PTPRM: variants seen among roughly 807,000 people sequenced by gnomAD.
The protein encoded by PTPRM is receptor-type tyrosine-protein phosphatase mu.
A neutral mutation model predicts 186.7 loss-of-function variants in PTPRM; 47 were observed. The ratio of observed to expected loss-of-function variants is 0.25; its 90% CI spans 0.20 to 0.32. The LOEUF (loss-of-function observed/expected upper bound fraction) is 0.32, where lower values mean the gene tolerates loss of function less well. PTPRM is among the 10% of genes least tolerant of loss of function. The pLI, the probability that PTPRM is intolerant of heterozygous loss-of-function variation, is 1.00. For synonymous variants in PTPRM, 668 were observed against 674.9 expected (o/e 0.99, Z 0.16); for missense variants, 1,494 against 1,865.0 (o/e 0.80, Z 3.66).
Position 7,704,224 on chromosome 18 carries a change from T to G in PTPRM, c.74-69925T>G, listed in dbSNP as rs184386705. Among the ~76,000 whole-genome samples the G allele has an allele frequency of 2.1e-4, 32 of 152,328 alleles. No homozygotes were observed. The East Asian group carries it at 2.3e-3, about 11-fold the overall frequency. On this transcript the variant is annotated intron_variant, in intron 1 of 32. Transcript: ENST00000580170. Reference sequence around the variant, plus strand: ...GGAGGATTTCCTCTTTTTCTTTTATTTGGAATAGTTCCAGAAGGAATGGTA... The same window carrying G: ...GGAGGATTTCCTCTTTTTCTTTTATGTGGAATAGTTCCAGAAGGAATGGTA...
intron 19 of PTPRM, among the ~76,000 whole-genome samples, chr18:8,276,105 G>A (rs748595567): frequency 2.0e-5 from 3 of 151,952 alleles, no homozygotes; most frequent in Admixed American, 6.6e-5. Flanking sequence ...CCTTTAGGTT[G>A]GTTCCACTAG....
At chr18:7,852,119 A>G (rs2046889411) in intron 2 of PTPRM, among the ~76,000 whole-genome samples, 1 of 152,218 alleles carries the variant, frequency 6.6e-6, no homozygotes, top group Non-Finnish European at 1.5e-5. Flanking sequence ...TAAACAAAGA[A>G]CACAGCTCAA....
At chr18:8,351,437 T>G (rs938572481) in intron 23 of PTPRM, among the ~76,000 whole-genome samples, 1 of 152,192 alleles carries the variant, frequency 6.6e-6, no homozygotes, top group Non-Finnish European at 1.5e-5. Flanking sequence ...CAGAATAAAT[T>G]GAGCATCTGT....
rs2093762602 is a variant in PTPRM at position 8,195,329 on chromosome 18, G to C, written c.2301-48729G>C. Among the ~76,000 whole-genome samples, 4 of 152,108 alleles carry C rather than the reference G, an allele frequency of 2.6e-5. No individual in the cohort carries two copies. The South Asian group carries it at 8.3e-4, about 32-fold the overall frequency. Reference sequence around the variant, plus strand: ...CCAGTGATGGCTGCCTTTAACAAGGGTTAGCAACTGTTAGGATGGATGTGT... The same window carrying C: ...CCAGTGATGGCTGCCTTTAACAAGGCTTAGCAACTGTTAGGATGGATGTGT... On this transcript the variant is annotated intron_variant, in intron 14 of 32. Coordinates refer to ENST00000580170, the MANE Select transcript of PTPRM (RefSeq NM_001105244.2).
At chr18:8,153,313 A>G (rs576678407) in intron 14 of PTPRM, among the ~76,000 whole-genome samples, 4 of 152,122 alleles carry the variant, frequency 2.6e-5, no homozygotes, top group Admixed American at 2.0e-4. Flanking sequence ...CCAAGGGTCT[A>G]TTTCTGCAAT....
At chr18:8,081,531 A>G (rs889804236) in intron 9 of PTPRM, among the ~76,000 whole-genome samples, 1 of 152,198 alleles carries the variant, frequency 6.6e-6, no homozygotes, top group Non-Finnish European at 1.5e-5. Context: ...CATGTATTGA[A>G]TGAACAAGTG....
chr18:7,742,218 AATTATTTTAAGTTAC>A (rs1346668055), intron 1 of PTPRM, among the ~76,000 whole-genome samples: 1 of 152,228 alleles, frequency 6.6e-6, no homozygotes, highest in Non-Finnish European at 1.5e-5. Flanking sequence ...GTTAAAGTCA[AATTATTTTAAGTTAC>A]AGTGACTAAA....
chr18:8,128,880 T>C (rs1339589205), intron 13 of PTPRM, among the ~76,000 whole-genome samples: 1 of 152,188 alleles, frequency 6.6e-6, no homozygotes, highest in East Asian at 1.9e-4. Context: ...CATTTTGTGG[T>C]TTTCTTTTCT....
chr18:8,360,399 A>G (rs982682715), intron 23 of PTPRM, among the ~76,000 whole-genome samples: 2 of 151,390 alleles, frequency 1.3e-5, no homozygotes, highest in African/African-American at 4.9e-5. Flanking sequence ...AATCTATGCA[A>G]AAAAAACCCT....
intron 19 of PTPRM, among the ~76,000 whole-genome samples, chr18:8,259,669 A>C (rs1333220045): frequency 6.6e-6 from 1 of 151,790 alleles, no homozygotes; most frequent in Non-Finnish European, 1.5e-5. Flanking sequence ...TTTGTGACTT[A>C]GTCTCACTCT....
chr18:8,223,761 G>A (rs1005846492), intron 14 of PTPRM, among the ~76,000 whole-genome samples: 1 of 152,200 alleles, frequency 6.6e-6, no homozygotes, highest in African/African-American at 2.4e-5. Context: ...TATGTCGAAC[G>A]CCAATCTATA....
intron 13 of PTPRM, among the ~76,000 whole-genome samples, chr18:8,135,279 A>T (rs2092611224): frequency 6.6e-6 from 1 of 152,188 alleles, no homozygotes; most frequent in Middle Eastern, 3.2e-3. Context: ...TGGAAATTGG[A>T]TCGCTGAGAA....
chr18:8,137,808 T>C (rs1302745626), intron 13 of PTPRM, among the ~76,000 whole-genome samples: 1 of 152,022 alleles, frequency 6.6e-6, no homozygotes, highest in Non-Finnish European at 1.5e-5. Flanking sequence ...TTCCAGCCCA[T>C]TCATTATCGC....
intron 2 of PTPRM, 193 bp from the exon 3 acceptor site, chr18:7,887,913 C>A: frequency 1.3e-6 from 1 of 775,602 alleles, no homozygotes; most frequent in Non-Finnish European, 2.3e-6. Flanking sequence ...ACTATGTGCA[C>A]TCTTGAGAAC....
At chr18:8,341,255 G>C (rs1216798467) in intron 22 of PTPRM, among the ~76,000 whole-genome samples, 1 of 152,192 alleles carries the variant, frequency 6.6e-6, no homozygotes, top group Non-Finnish European at 1.5e-5. Flanking sequence ...TTAGTACCTA[G>C]TATGGGTTTA....
intron 7 of PTPRM, chr18:7,995,525 C>T (rs1334582368): frequency 6.6e-6 from 1 of 152,134 alleles, no homozygotes; most frequent in Non-Finnish European, 1.5e-5. Context: ...AAATCCCCAA[C>T]AAAATATTAA....
At chr18:8,350,662 C>T (rs1388522947) in intron 23 of PTPRM, among the ~76,000 whole-genome samples, 1 of 152,226 alleles carries the variant, frequency 6.6e-6, no homozygotes, top group Non-Finnish European at 1.5e-5. Context: ...TGTTCAGAAT[C>T]CTTCAGTGAT....
At chr18:7,693,236 G>A (rs1325092001) in intron 1 of PTPRM, among the ~76,000 whole-genome samples, 1 of 152,094 alleles carries the variant, frequency 6.6e-6, no homozygotes, top group Non-Finnish European at 1.5e-5. Flanking sequence ...GACATTGGAG[G>A]GGTACTACTT....
chr18:7,574,055 G>C (rs908680052), intron 1 of PTPRM, among the ~76,000 whole-genome samples: 1 of 152,182 alleles, frequency 6.6e-6, no homozygotes, highest in African/African-American at 2.4e-5. Flanking sequence ...TGTGACCTGA[G>C]ATTGGAGAAC....
Sources: gnomAD v4.1 joint callset for allele counts (sites outside exome capture counted in the v4.1 genomes callset) on GRCh38, gnomAD v4.1.1 for gene constraint, MANE v1.5 for transcripts, NCBI Gene and HGNC (gene_info 2026-07-23, HGNC 2026-07-21) for gene names.